Variants in GPR158 observed in about 807,000 individuals in gnomAD.
GPR158 encodes the protein G protein-coupled receptor 158, also known as metabotropic glycine receptor.
Under a neutral mutation model 78.2 loss-of-function variants are expected in GPR158, and 30 were observed. The ratio of observed to expected loss-of-function variants is 0.38; its 90% CI spans 0.29 to 0.52. The LOEUF is 0.52. Ranked by LOEUF, GPR158 falls within the 20% of genes least tolerant of loss-of-function variation. GPR158 has a pLI of 0.83. For missense variants in GPR158, 1,463 were observed against 1,523.5 expected, an observed-to-expected ratio of 0.96 and a Z score of 0.66; for synonymous variants, 581 against 591.1, an observed-to-expected ratio of 0.98 and a Z score of 0.25.
In GPR158 at chr10:25,597,880, C is replaced by G. The variant is rs1350723305; in HGVS notation, c.2254C>G (p.Arg752Gly). 1 of 1,601,334 alleles carries G rather than the reference C, an allele frequency of 6.2e-7. No individual in the cohort carries two copies. The highest frequency in any genetic ancestry group is 8.5e-7 in the Non-Finnish European group (1 of 1,174,808). Residue 752 changes from arginine (R) to glycine (G), a missense_variant, in exon 11 of 11, where the codon CGT becomes GGT. By Grantham distance (125) the Arg-to-Gly change is moderately radical (BLOSUM62 -2). Coordinates refer to ENST00000376351, the MANE Select transcript of GPR158 (RefSeq NM_020752.3). ...GCGGTGCTCGAAGAAGGGCCTAGGT[C>G]GTTCCATCATGAGACGCATTACGGA... ...KKRCSKKGLG[R>G]SIMRRITEIP...
At chr10:25,502,668 A>G (rs1305917124) in intron 5 of GPR158, among the ~76,000 whole-genome samples, 1 of 152,190 alleles carries the variant, frequency 6.6e-6, no homozygotes, top group Non-Finnish European at 1.5e-5. Context: ...CAAGGACACC[A>G]TCTATAGGCA....
In GPR158 at chr10:25,483,541, A is replaced by G. The variant is rs117252339; in HGVS notation, c.1404+16822A>G. Among the ~76,000 whole-genome samples, 951 of 152,148 alleles carry G rather than the reference A, an allele frequency of 6.3e-3. 6 individuals carry two copies. The highest frequency in any genetic ancestry group is 9.6e-3 in the Non-Finnish European group (652 of 67,986). On this transcript the variant is annotated intron_variant, in intron 5 of 10. Transcript: ENST00000376351. ...TTTTTACATGCTGTGTTACTTTATT[A>G]TCTTTATTTCTTACACGTACTTATT...
intron 5 of GPR158, among the ~76,000 whole-genome samples, chr10:25,499,295 C>A (rs377015835): frequency 6.6e-6 from 1 of 152,124 alleles, no homozygotes; most frequent in African/African-American, 2.4e-5. Flanking sequence ...TCCTGAAATA[C>A]AGTGCGCTCA....
rs1485451757 is a variant in GPR158, at chr10:25,535,817, A to G, written c.1405-15159A>G. The stretch of plus-strand genomic sequence containing the variant: ...TATACCCCATTCTCAACTCCACACT[A>G]TTCAGAAGCTTCTTTTCTGTCCTTA... On this transcript the variant is annotated intron_variant, in intron 5 of 10. Coordinates refer to ENST00000376351, the MANE Select transcript of GPR158 (RefSeq NM_020752.3). Among the ~76,000 whole-genome samples, 4 of 152,204 alleles carry G rather than the reference A, an allele frequency of 2.6e-5. No individual in the cohort carries two copies. The East Asian group carries it at 7.7e-4, about 29-fold the overall frequency.
intron 4 of GPR158, among the ~76,000 whole-genome samples, chr10:25,424,840 T>C (rs1447851812): frequency 2.0e-5 from 3 of 152,232 alleles, no homozygotes; most frequent in Admixed American, 6.5e-5. Flanking sequence ...TTTGTTCTTT[T>C]TGCTTAGGAT....
intron 2 of GPR158, among the ~76,000 whole-genome samples, chr10:25,226,184 A>G (rs531016634): frequency 2.0e-5 from 3 of 152,332 alleles, no homozygotes; most frequent in Admixed American, 6.5e-5. Context: ...CACTAGCCAC[A>G]TGTTGCTTCT....
At chr10:25,350,640 G>T (rs1258891053) in intron 2 of GPR158, among the ~76,000 whole-genome samples, 1 of 152,004 alleles carries the variant, frequency 6.6e-6, no homozygotes, top group East Asian at 1.9e-4. Context: ...ATTCTCCAGG[G>T]AGGGGTGTAT....
chr10:25,457,286 G>A (rs921087450), intron 4 of GPR158, among the ~76,000 whole-genome samples: 3 of 151,832 alleles, frequency 2.0e-5, no homozygotes, highest in South Asian at 2.1e-4. Context: ...GAGCCACTGC[G>A]TCTGGCCTGT....
At chr10:25,229,822 G>C (rs1459486836) in intron 2 of GPR158, among the ~76,000 whole-genome samples, 1 of 152,172 alleles carries the variant, frequency 6.6e-6, no homozygotes, top group Non-Finnish European at 1.5e-5. Context: ...TCCTGTACCA[G>C]GTGTCACTTT....
At position 25,572,813 on chromosome 10, in the gene GPR158, G is replaced by T. The variant is rs200629030; in HGVS notation, c.1679G>T (p.Gly560Val). Residue 560 changes from glycine (G) to valine (V), a missense_variant, in exon 7 of 11, where the codon GGC becomes GTC. Coordinates refer to ENST00000376351, the MANE Select transcript of GPR158 (RefSeq NM_020752.3). ...TTGGAGAAACAGATTTCACTTATTG[G>T]CCAGGGGAAAACATCCGATCACCTC... ...QNLEKQISLI[G>V]QGKTSDHLIF... 2 of 1,613,916 alleles carry T rather than the reference G, an allele frequency of 1.2e-6. No individual in the cohort carries two copies. Among genetic ancestry groups the T allele is most frequent in the Admixed American group, 3.3e-5 (2 of 60,008 alleles).
At chr10:25,537,713 G>A (rs140164999) in intron 5 of GPR158, among the ~76,000 whole-genome samples, 1 of 152,234 alleles carries the variant, frequency 6.6e-6, no homozygotes, top group Non-Finnish European at 1.5e-5. Context: ...TGGAGGAGGG[G>A]CCTGGTGGGA....
intron 4 of GPR158, among the ~76,000 whole-genome samples, chr10:25,456,491 C>CT (rs959677714): frequency 3.9e-4 from 60 of 152,164 alleles, no homozygotes; most frequent in East Asian, 2.5e-3. Context: ...CATTTTTCTC[C>CT]TTTTTTTAGA....
At chr10:25,200,067 T>A (rs1208052265) in intron 1 of GPR158, among the ~76,000 whole-genome samples, 1 of 152,174 alleles carries the variant, frequency 6.6e-6, no homozygotes, top group East Asian at 1.9e-4. Context: ...CATTTTTGTT[T>A]TAAGTGTTTT....
At chr10:25,442,766 G>A (rs1020838336) in intron 4 of GPR158, among the ~76,000 whole-genome samples, 5 of 151,844 alleles carry the variant, frequency 3.3e-5, no homozygotes, top group Non-Finnish European at 5.9e-5. Flanking sequence ...GTTTTACAGC[G>A]TCGAATCGAT....
chr10:25,339,161 T>G (rs1855268385), intron 2 of GPR158, among the ~76,000 whole-genome samples: 1 of 151,842 alleles, frequency 6.6e-6, no homozygotes, highest in African/African-American at 2.4e-5. Flanking sequence ...GCTTTAAAAT[T>G]TATTTTATAC....
rs539692334 is a variant in GPR158 at position 25,249,523 on chromosome 10, G to C, written c.1008+28366G>C. Among the ~76,000 whole-genome samples, 32 of 151,634 alleles carry C rather than the reference G, an allele frequency of 2.1e-4. 1 individual carries two copies. The highest frequency in any genetic ancestry group is 1.6e-3 in the Admixed American group (24 of 15,212). The stretch of plus-strand genomic sequence containing the variant: ...TTTATTGAGAGTTTTTAGCATGAAG[G>C]GTTGTTGAATTTTGTCAAAGGCTTT... On this transcript the variant is annotated intron_variant, in intron 2 of 10. Coordinates refer to ENST00000376351, the MANE Select transcript of GPR158 (RefSeq NM_020752.3).
chr10:25,316,895 G>C, intron 2 of GPR158, among the ~76,000 whole-genome samples: 1 of 107,354 alleles, frequency 9.3e-6, no homozygotes, highest in Admixed American at 8.6e-5. Flanking sequence ...ATTTGTGTGT[G>C]TGTGTGTGTG....
chr10:25,549,344 T>C, intron 5 of GPR158, among the ~76,000 whole-genome samples: 1 of 152,168 alleles, frequency 6.6e-6, no homozygotes, highest in East Asian at 1.9e-4. Flanking sequence ...TGCAGAACTC[T>C]TTATTCCTAT....
intron 2 of GPR158, among the ~76,000 whole-genome samples, chr10:25,228,524 A>G (rs1188598834): frequency 6.6e-6 from 1 of 152,170 alleles, no homozygotes; most frequent in Non-Finnish European, 1.5e-5. Context: ...TTCATTATAT[A>G]TTTTAAAGAA....
Sources: allele counts gnomAD v4.1 joint callset (sites outside exome capture counted in the v4.1 genomes callset), GRCh38; gene constraint gnomAD v4.1.1; transcripts MANE v1.5; gene names NCBI Gene and HGNC (gene_info 2026-07-23, HGNC 2026-07-21).